APPL2: variants seen among roughly 807,000 people sequenced by gnomAD.
APPL2 encodes the protein DCC-interacting protein 13-beta.
In APPL2, 84 loss-of-function variants were observed where a neutral mutation model predicts 92.7. The ratio of observed to expected loss-of-function variants is 0.91; its 90% CI spans 0.76 to 1.09. The LOEUF is 1.09. Among genes scored for constraint, APPL2 ranks in the 50% least tolerant of loss-of-function variants. The probability of loss-of-function intolerance (pLI) is 0.00; values close to 1 mark genes in which losing one functional copy is unlikely to be tolerated. For missense variants in APPL2, 736 were observed against 824.5 expected, an observed-to-expected ratio of 0.89 and a Z score of 1.31; for synonymous variants, 291 against 291.0, an observed-to-expected ratio of 1.00 and a Z score of 0.00.
chr12:105,196,184 G>A (rs1262565860), intron 11 of APPL2, among the ~76,000 whole-genome samples: 2 of 152,064 alleles, frequency 1.3e-5, no homozygotes, highest in African/African-American at 4.8e-5. Context: ...TCTATGAAAT[G>A]AGAAGGCGGG....
At position 105,186,793 on chromosome 12, in the gene APPL2, T is replaced by C. The variant is rs1886775542; in HGVS notation, c.1634+1480A>G. On this transcript the variant is annotated intron_variant, in intron 17 of 20. Transcript: ENST00000258530. ...CATGCGTGCGCACGCCATCTTAATA[T>C]GGAGTGACATATCTCATTGTGGATT... Among the ~76,000 whole-genome samples, 5 of 150,854 alleles carry C rather than the reference T, an allele frequency of 3.3e-5. No homozygotes were observed. In the South Asian group the frequency reaches 1.0e-3, roughly 31 times the overall value.
chr12:105,207,040 C>T (rs1331228510), intron 8 of APPL2, 21 bp downstream of exon 8: 2 of 1,609,150 alleles, frequency 1.2e-6, no homozygotes, highest in Admixed American at 3.4e-5. Context: ...GGTTTCAGCC[C>T]TCAGGGAGGG....
At chr12:105,221,500 A>G (rs533985886) in intron 2 of APPL2, among the ~76,000 whole-genome samples, 1 of 152,326 alleles carries the variant, frequency 6.6e-6, no homozygotes, top group African/African-American at 2.4e-5. Flanking sequence ...TGTTCTGACT[A>G]TTATGCTATT....
intron 4 of APPL2, 22 bp from the exon 5 acceptor site, chr12:105,211,339 TCAAG>T: frequency 6.6e-7 from 1 of 1,513,040 alleles, no homozygotes; most frequent in Non-Finnish European, 9.2e-7. Context: ...AGAATGGTAT[TCAAG>T]TAAATTAAAT....
chr12:105,223,615 G>A (rs1890284952), intron 2 of APPL2, among the ~76,000 whole-genome samples: 1 of 152,208 alleles, frequency 6.6e-6, no homozygotes, highest in Non-Finnish European at 1.5e-5. Flanking sequence ...TGGAGGCCAA[G>A]ACCAGACTGA....
intron 1 of APPL2, chr12:105,233,239 C>G: frequency 3.0e-6 from 3 of 985,460 alleles, no homozygotes; most frequent in Non-Finnish European, 3.6e-6. Context: ...CAAGGGTAGT[C>G]ACTCTTATTT....
At chr12:105,182,765 G>T (rs1196857) in intron 17 of APPL2, among the ~76,000 whole-genome samples, 1 of 152,230 alleles carries the variant, frequency 6.6e-6, no homozygotes, top group African/African-American at 2.4e-5. Flanking sequence ...GTAGATGTGT[G>T]TTAGTTCCAC....
intron 4 of APPL2, among the ~76,000 whole-genome samples, chr12:105,211,985 G>A (rs1296049229): frequency 6.6e-6 from 1 of 152,002 alleles, no homozygotes; most frequent in Non-Finnish European, 1.5e-5. Flanking sequence ...CCAGCATGGT[G>A]GCGGGCACCT....
Position 105,236,116 on chromosome 12 carries a change from A to C in APPL2, c.-104T>G, listed in dbSNP as rs1420780232. The stretch of plus-strand genomic sequence containing the variant: ...TCTGGGCTCAGGCGACGCGGCGGCC[A>C]CTCCGTGCCCGCGGCGGCCCCGCGC... On this transcript the variant is annotated 5_prime_UTR_variant, in exon 1 of 21. Transcript: ENST00000258530. 4.4e-5 allele frequency: 37 copies of C among 841,490 alleles called. No homozygotes were observed. The South Asian group carries it at 9.4e-4, about 21-fold the overall frequency. 52.1% of individuals were successfully genotyped at this position (841,490 alleles called of 1,614,324 possible).
At chr12:105,218,445 A>G (rs1257057432) in intron 2 of APPL2, among the ~76,000 whole-genome samples, 1 of 152,230 alleles carries the variant, frequency 6.6e-6, no homozygotes, top group Non-Finnish European at 1.5e-5. Flanking sequence ...GAGAACTGCA[A>G]AAGAAAAATA....
chr12:105,194,498 C>T (rs1887473802), intron 14 of APPL2, among the ~76,000 whole-genome samples: 1 of 152,094 alleles, frequency 6.6e-6, no homozygotes, highest in Admixed American at 6.5e-5. Flanking sequence ...CAAGACCAGC[C>T]TGGCTAACAT....
At chr12:105,202,575 T>TTTG (rs1888308478) in intron 9 of APPL2, among the ~76,000 whole-genome samples, 1 of 152,210 alleles carries the variant, frequency 6.6e-6, no homozygotes, top group African/African-American at 2.4e-5. Flanking sequence ...CAGAGGATAC[T>TTTG]TTTACAAAGT....
intron 1 of APPL2, among the ~76,000 whole-genome samples, chr12:105,230,016 G>A (rs1269909739): frequency 6.6e-6 from 1 of 152,062 alleles, no homozygotes; most frequent in Non-Finnish European, 1.5e-5. Flanking sequence ...TTGACCTCAG[G>A]TGATCCACCC....
chr12:105,197,129 C>CCCCTCCATGGGACCCTGAACT (rs1272224272), intron 11 of APPL2, among the ~76,000 whole-genome samples: 1 of 152,078 alleles, frequency 6.6e-6, no homozygotes, highest in East Asian at 1.9e-4. Context: ...GACCCTGAAG[C>CCCCTCCATGGGACCCTGAACT]CCCTCCATGG....
At chr12:105,201,462 G>T (rs1171828014) in intron 9 of APPL2, among the ~76,000 whole-genome samples, 1 of 152,136 alleles carries the variant, frequency 6.6e-6, no homozygotes, top group East Asian at 1.9e-4. Context: ...TTATGGGTGA[G>T]AAACCTCTTT....
rs530220156 is a variant in APPL2, at chr12:105,182,009, G to C, written c.1635-4747C>G. Among the ~76,000 whole-genome samples, 5 of 152,128 alleles carry C rather than the reference G, an allele frequency of 3.3e-5. No individual in the cohort carries two copies. The East Asian group carries it at 5.8e-4, about 18-fold the overall frequency. The stretch of plus-strand genomic sequence containing the variant: ...TATTTCTTGTCTTCTGCTAGCTTTT[G>C]AATTTGTTTACTCTTGCTTCTCCAG... On this transcript the variant is annotated intron_variant, in intron 17 of 20. Transcript: ENST00000258530.
At chr12:105,230,794 C>A (rs1385015959) in intron 1 of APPL2, among the ~76,000 whole-genome samples, 1 of 152,158 alleles carries the variant, frequency 6.6e-6, no homozygotes, top group African/African-American at 2.4e-5. Flanking sequence ...GCTAAAAACA[C>A]CAGGACTAAT....
In APPL2 at chr12:105,177,085, T is replaced by C. The variant is rs891948992; in HGVS notation, c.1672-69A>G. On this transcript the variant is annotated intron_variant, in intron 18 of 20. Coordinates refer to ENST00000258530, the MANE Select transcript of APPL2 (RefSeq NM_018171.5). ...ATTAAAAACTGACAAGGCTACTCTC[T>C]GGAAAAGTCATGAGAAAAAGTATCC... The C allele has an allele frequency of 8.1e-6, 13 of 1,607,404 alleles. 1 individual carries two copies. The highest frequency in any genetic ancestry group is 2.2e-5 in the South Asian group (2 of 90,574).
At chr12:105,228,649 C>G (rs1346294110) in intron 2 of APPL2, among the ~76,000 whole-genome samples, 2 of 147,374 alleles carry the variant, frequency 1.4e-5, no homozygotes, top group Admixed American at 1.4e-4. Flanking sequence ...CTTTTGCAAG[C>G]CAGAGATATT....
Sources: allele counts gnomAD v4.1 joint callset (sites outside exome capture counted in the v4.1 genomes callset), GRCh38; gene constraint gnomAD v4.1.1; transcripts MANE v1.5; gene names NCBI Gene and HGNC (gene_info 2026-07-23, HGNC 2026-07-21).